KLHL10: variants seen among roughly 807,000 people sequenced by gnomAD.
KLHL10 encodes kelch-like protein 10.
Under a neutral mutation model 46.6 loss-of-function variants are expected in KLHL10, and 11 were observed. The ratio of observed to expected loss-of-function variants is 0.24; its 90% CI spans 0.15 to 0.39. The LOEUF (loss-of-function observed/expected upper bound fraction) is 0.39, where lower values mean the gene tolerates loss of function less well. Ranked by LOEUF, KLHL10 falls within the 10% of genes least tolerant of loss-of-function variation. The pLI is 1.00. For missense variants in KLHL10, 475 were observed against 789.8 expected, an observed-to-expected ratio of 0.60 and a Z score of 4.78; for synonymous variants, 254 against 279.1, an observed-to-expected ratio of 0.91 and a Z score of 0.90.
chr17:41,837,764 A>C (rs115775147), upstream of KLHL10: 8 of 1,438,344 alleles, frequency 5.6e-6, no homozygotes, highest in Non-Finnish European at 7.3e-6. Context: ...CTGAGAGCAC[A>C]ATCCTGTGTG....
At chr17:41,844,751 G>A (rs1555621110) in intron 2 of KLHL10, among the ~76,000 whole-genome samples, 1 of 152,016 alleles carries the variant, frequency 6.6e-6, no homozygotes, top group African/African-American at 2.4e-5. Context: ...GTTTTGCCAT[G>A]TCGGTTAGCC....
chr17:41,840,937 G>A lies in KLHL10; in HGVS notation c.195-886G>A, dbSNP rs117088347. Among the ~76,000 whole-genome samples the A allele has an allele frequency of 4.0e-3, 605 of 152,014 alleles. 8 individuals carry two copies. The highest frequency in any genetic ancestry group is 3.3e-3 in the Non-Finnish European group (224 of 67,958). On this transcript the variant is annotated intron_variant, in intron 1 of 4. Coordinates refer to ENST00000293303, the MANE Select transcript of KLHL10 (RefSeq NM_152467.5). The stretch of plus-strand genomic sequence containing the variant: ...GCGAGACAAGCCTGACCAATATGAT[G>A]AAACCAGCCTGGCCAACATGGTGAA...
upstream of KLHL10, chr17:41,837,703 T>A (rs2048180110): frequency 8.1e-7 from 1 of 1,227,498 alleles, no homozygotes; most frequent in Non-Finnish European, 1.1e-6. Flanking sequence ...CTAAGTGGGG[T>A]GGTAAGGAGG....
upstream of KLHL10, among the ~76,000 whole-genome samples, chr17:41,837,069 G>C (rs148471270): frequency 6.6e-6 from 1 of 152,156 alleles, no homozygotes; most frequent in Non-Finnish European, 1.5e-5. Context: ...GCTGAGGTGG[G>C]AGGATCACTT....
At chr17:41,836,113 G>C (rs1555619985), upstream of KLHL10, 2 of 1,333,572 alleles carry the variant, frequency 1.5e-6, no homozygotes, top group Admixed American at 4.0e-5. Flanking sequence ...TGACCAGCTG[G>C]GGGGCTCGAA....
Position 41,839,853 on chromosome 17 carries a change from C to T in KLHL10, c.194+1727C>T, listed in dbSNP as rs561372800. Among the ~76,000 whole-genome samples the T allele has an allele frequency of 1.2e-4, 18 of 151,766 alleles. No individual in the cohort carries two copies. The East Asian group carries it at 2.1e-3, about 18-fold the overall frequency. ...TCAGCCTCCCGAATATCTGGGATTA[C>T]AGCTGTGTGCCACCACATCTGGCTA... On this transcript the variant is annotated intron_variant, in intron 1 of 4. Transcript: ENST00000293303.
At chr17:41,845,854 G>A (rs1339901463) in intron 3 of KLHL10, 111 bp downstream of exon 3, 1 of 1,331,520 alleles carries the variant, frequency 7.5e-7, no homozygotes, top group Admixed American at 1.9e-5. Flanking sequence ...TCACTTTGGA[G>A]TACTCATTCT....
intron 2 of KLHL10, among the ~76,000 whole-genome samples, chr17:41,844,835 C>T (rs2048267187): frequency 6.6e-6 from 1 of 152,010 alleles, no homozygotes; most frequent in Non-Finnish European, 1.5e-5. Context: ...GGCCGTGAGC[C>T]ACCTCGCCTG....
At chr17:41,847,709 G>A (rs1208015874) in intron 4 of KLHL10, among the ~76,000 whole-genome samples, 1 of 152,180 alleles carries the variant, frequency 6.6e-6, no homozygotes, top group African/African-American at 2.4e-5. Context: ...GTTTCACTGT[G>A]TTAGCCCAGA....
chr17:41,841,155 AAAAAG>A (rs1384680026), intron 1 of KLHL10, among the ~76,000 whole-genome samples: 4 of 152,084 alleles, frequency 2.6e-5, no homozygotes, highest in African/African-American at 9.7e-5. Context: ...AAAAAAAGAA[AAAAAG>A]AAAAGAAAAC....
intron 1 of KLHL10, 145 bp downstream of exon 1, chr17:41,838,271 T>A: frequency 1.4e-6 from 1 of 715,338 alleles, no homozygotes; most frequent in East Asian, 2.7e-5. Flanking sequence ...AAAAAAAATT[T>A]TTTTTTTAGA....
rs367883680 is a variant in KLHL10, at chr17:41,843,199, C to T, written c.684+887C>T. 3.3e-5 allele frequency among the ~76,000 whole-genome samples: 5 copies of T among 151,876 alleles called. No homozygotes were observed. In the East Asian group the frequency reaches 9.7e-4, roughly 30 times the overall value. ...TCCTTTCTATGAATTTCTCCATACC[C>T]AAGGTAGAAGTTGAATTAGAAATCA... On this transcript the variant is annotated intron_variant, in intron 2 of 4. Coordinates refer to ENST00000293303, the MANE Select transcript of KLHL10 (RefSeq NM_152467.5).
In KLHL10 at chr17:41,841,871, C is replaced by T. The variant is rs1555620769; in HGVS notation, c.243C>T (p.Asn81=). The T allele has an allele frequency of 6.2e-7, 1 of 1,614,178 alleles. No individual in the cohort carries two copies. The highest frequency in any genetic ancestry group is 1.3e-5 in the African/African-American group (1 of 75,048). The change falls in exon 2 of 5, where the codon AAC becomes AAT. Residue 81 remains asparagine (N), a synonymous_variant. Transcript: ENST00000293303. ...GWNNTEKKVY[N]IPGISPDMMK... ...ACAACACTGAAAAGAAGGTATACAA[C>T]ATCCCTGGCATTTCTCCCGACATGA... is the stretch of plus-strand genomic sequence containing the variant.
chr17:41,841,147 A>T (rs2048222251), intron 1 of KLHL10, among the ~76,000 whole-genome samples: 1 of 152,038 alleles, frequency 6.6e-6, no homozygotes. Context: ...TTCCAAAAAA[A>T]AAAAGAAAAA....
In KLHL10 at chr17:41,841,858, A is replaced by C. The variant is rs369676198; in HGVS notation, c.230A>C (p.Lys77Thr). 12 of 1,614,080 alleles carry C rather than the reference A, an allele frequency of 7.4e-6. No homozygotes were observed. The highest frequency in any genetic ancestry group is 1.0e-5 in the Non-Finnish European group (12 of 1,180,044). Residue 77 changes from lysine to threonine, a missense_variant, in exon 2 of 5, where the codon AAG becomes ACG. Physicochemically the swap from Lys to Thr is moderately conservative, Grantham distance 78. Transcript: ENST00000293303. ...ACAAGTGGCTGGAACAACACTGAAAAGAAGGTATACAACATCCCTGGCATT... is the reference window on the plus strand; with the variant it reads ...ACAAGTGGCTGGAACAACACTGAAACGAAGGTATACAACATCCCTGGCATT... ...LFTSGWNNTE[K>T]KVYNIPGISP...
At position 41,839,769 on chromosome 17, in the gene KLHL10, G is replaced by A. The variant is rs189527244; in HGVS notation, c.194+1643G>A. On this transcript the variant is annotated intron_variant, in intron 1 of 4. Transcript: ENST00000293303. ...GCTCTGTCACCCAGGCTGGAGTGCA[G>A]TGGCACAATCTCAGCTCACTGCAAC... Among the ~76,000 whole-genome samples, 633 of 152,192 alleles carry A rather than the reference G, an allele frequency of 4.2e-3. 3 individuals are homozygous for A. Among genetic ancestry groups the A allele is most frequent in the African/African-American group, 0.015 (606 of 41,514 alleles).
intron 1 of KLHL10, among the ~76,000 whole-genome samples, chr17:41,840,257 A>T (rs754554326): frequency 2.6e-5 from 4 of 152,268 alleles, no homozygotes; most frequent in Admixed American, 6.5e-5. Context: ...GTGTGGCTGT[A>T]TTCCAATAAG....
At chr17:41,841,140 C>CA (rs56205509) in intron 1 of KLHL10, among the ~76,000 whole-genome samples, 219 of 131,870 alleles carry the variant, frequency 1.7e-3, no homozygotes, top group Middle Eastern at 3.8e-3. Context: ...ACCCTGTTTC[C>CA]AAAAAAAAAA....
intron 2 of KLHL10, among the ~76,000 whole-genome samples, chr17:41,842,644 A>T (rs1044639720): frequency 1.3e-5 from 2 of 152,036 alleles, no homozygotes; most frequent in Non-Finnish European, 2.9e-5. Flanking sequence ...TATAAAATTT[A>T]AAAAGTATAA....
Sources: gnomAD v4.1 joint callset for allele counts (sites outside exome capture counted in the v4.1 genomes callset) on GRCh38, gnomAD v4.1.1 for gene constraint, MANE v1.5 for transcripts, NCBI Gene and HGNC (gene_info 2026-07-23, HGNC 2026-07-21) for gene names.